TTC28: variants seen among roughly 807,000 people sequenced by gnomAD.
The protein encoded by TTC28 is tetratricopeptide repeat protein 28.
A neutral mutation model predicts 198.0 loss-of-function variants in TTC28; 61 were observed. The ratio of observed to expected loss-of-function variants is 0.31; its 90% CI spans 0.25 to 0.38. TTC28 has a LOEUF of 0.38. TTC28 is among the 10% of genes least tolerant of loss of function. The pLI, the probability that TTC28 is intolerant of heterozygous loss-of-function variation, is 1.00. For synonymous variants in TTC28, 1,171 were observed against 1,297.8 expected (o/e 0.90, Z 2.10); for missense variants, 2,678 against 3,164.0 (o/e 0.85, Z 3.69).
chr22:28,636,728 T>C (rs2051278871), intron 1 of TTC28, among the ~76,000 whole-genome samples: 1 of 152,158 alleles, frequency 6.6e-6, no homozygotes, highest in Admixed American at 6.5e-5. Flanking sequence ...ATTATTTATT[T>C]ATTTGCTATA....
At chr22:27,994,901 CCAGA>C (rs3840091) in intron 17 of TTC28, among the ~76,000 whole-genome samples, 6,847 of 152,116 alleles carry the variant, frequency 0.045, 208 homozygotes, top group East Asian at 0.12. Context: ...CTGAAAGGCT[CCAGA>C]CAGTTTCCAG....
chr22:28,641,178 G>A (rs1030659222), intron 1 of TTC28, among the ~76,000 whole-genome samples: 6 of 152,086 alleles, frequency 3.9e-5, no homozygotes, highest in Admixed American at 3.3e-4. Context: ...CAAACAATTA[G>A]CCGGGCGTGG....
Position 28,211,164 on chromosome 22 carries a change from A to G in TTC28, c.934-47565T>C, listed in dbSNP as rs542989255. ...ACATGGAAAGGAACAACCGGTACCAACCACTGCAAAAACATGCCAAATTGT... is the reference window on the plus strand; with the variant it reads ...ACATGGAAAGGAACAACCGGTACCAGCCACTGCAAAAACATGCCAAATTGT... On this transcript the variant is annotated intron_variant, in intron 5 of 22. Transcript: ENST00000397906. 4.6e-3 allele frequency among the ~76,000 whole-genome samples: 703 copies of G among 152,234 alleles called. 5 individuals carry two copies. The highest frequency in any genetic ancestry group is 0.016 in the African/African-American group (671 of 41,536).
At chr22:28,141,313 T>C (rs1176245766) in intron 6 of TTC28, among the ~76,000 whole-genome samples, 3 of 152,220 alleles carry the variant, frequency 2.0e-5, no homozygotes, top group African/African-American at 7.2e-5. Context: ...GCTGTATGTT[T>C]GTTTAAAAAC....
intron 2 of TTC28, among the ~76,000 whole-genome samples, chr22:28,597,208 T>C (rs1175780290): frequency 6.6e-6 from 1 of 152,224 alleles, no homozygotes; most frequent in Non-Finnish European, 1.5e-5. Context: ...CACCAAAATT[T>C]ACTATCTTAG....
At chr22:28,043,712 G>A (rs1939755799) in intron 12 of TTC28, among the ~76,000 whole-genome samples, 1 of 152,160 alleles carries the variant, frequency 6.6e-6, no homozygotes, top group Non-Finnish European at 1.5e-5. Flanking sequence ...TTTGGATTAA[G>A]CAAGGTTTGG....
At chr22:28,498,241 C>G (rs554344780) in intron 2 of TTC28, among the ~76,000 whole-genome samples, 1 of 151,880 alleles carries the variant, frequency 6.6e-6, no homozygotes, top group East Asian at 1.9e-4. Context: ...AATAAAACAA[C>G]GAACAGATCA....
chr22:28,501,424 G>A (rs1329795852), intron 2 of TTC28, among the ~76,000 whole-genome samples: 2 of 152,130 alleles, frequency 1.3e-5, no homozygotes, highest in East Asian at 3.9e-4. Flanking sequence ...TTGATGTAGT[G>A]AAAAAAGAAT....
At chr22:28,306,376 T>C in intron 3 of TTC28, 120 bp downstream of exon 3, 1 of 1,213,764 alleles carries the variant, frequency 8.2e-7, no homozygotes, top group Non-Finnish European at 1.1e-6. Flanking sequence ...TGGTCTAAAA[T>C]ATCAAATCTT....
At chr22:28,287,496 G>C (rs1212229042) in intron 5 of TTC28, among the ~76,000 whole-genome samples, 1 of 152,166 alleles carries the variant, frequency 6.6e-6, no homozygotes, top group African/African-American at 2.4e-5. Context: ...TTGAGAAAGA[G>C]AGCATCAATG....
rs187996684 is a variant in TTC28, at chr22:28,047,553, G to A, written c.3933-17187C>T. ...GGCCCCTCTAAAGCGCCCACAAAAA[G>A]CAAGGTTCCACTCTACCCATCTAAC... On this transcript the variant is annotated intron_variant, in intron 12 of 22. Coordinates refer to ENST00000397906, the MANE Select transcript of TTC28 (RefSeq NM_001145418.2). Among the ~76,000 whole-genome samples, 22 of 152,304 alleles carry A rather than the reference G, an allele frequency of 1.4e-4. 1 individual carries two copies. Among genetic ancestry groups the A allele is most frequent in the African/African-American group, 4.8e-4 (20 of 41,566 alleles).
At chr22:28,448,828 C>T (rs1196420196) in intron 2 of TTC28, among the ~76,000 whole-genome samples, 1 of 152,190 alleles carries the variant, frequency 6.6e-6, no homozygotes, top group Non-Finnish European at 1.5e-5. Context: ...CTGACCTTAC[C>T]CATCTCACTT....
intron 2 of TTC28, among the ~76,000 whole-genome samples, chr22:28,449,545 C>A (rs2047749173): frequency 6.6e-6 from 1 of 152,150 alleles, no homozygotes. Context: ...AAGAATTAAG[C>A]AAATTCCCAA....
At chr22:28,662,986 C>T (rs1267936737) in intron 1 of TTC28, among the ~76,000 whole-genome samples, 1 of 151,904 alleles carries the variant, frequency 6.6e-6, no homozygotes, top group Admixed American at 6.6e-5. Context: ...CGGTGGCTCA[C>T]ACCTGTAATC....
chr22:28,642,683 G>T (rs2051388724), intron 1 of TTC28, among the ~76,000 whole-genome samples: 1 of 152,144 alleles, frequency 6.6e-6, no homozygotes, highest in Non-Finnish European at 1.5e-5. Context: ...AGGCAATAAG[G>T]ACCAGGCATG....
chr22:28,043,540 A>C (rs570723235), intron 12 of TTC28, among the ~76,000 whole-genome samples: 1 of 152,128 alleles, frequency 6.6e-6, no homozygotes, highest in African/African-American at 2.4e-5. Context: ...TGCAAACTGG[A>C]GGTCTGCAGC....
rs1223608083 is a variant in TTC28 at position 28,162,996 on chromosome 22, A to AT, written c.1441+95dup. Reference sequence around the variant, plus strand: ...ACACAATAAGGATATTCTTTTAAATATAAACACACAGATTCCTATAAAAGA... The same window carrying AT: ...ACACAATAAGGATATTCTTTTAAATATTAAACACACAGATTCCTATAAAAGA... On this transcript the variant is annotated intron_variant, in intron 6 of 22. Transcript: ENST00000397906. 119 of 1,377,756 alleles carry AT rather than the reference A, an allele frequency of 8.6e-5. 2 individuals carry two copies. The South Asian group carries it at 1.6e-3, about 18-fold the overall frequency. The allele number at this position is 1,377,756 out of a possible 1,614,324, so 85.3% of individuals were successfully genotyped here. A position where few individuals can be genotyped will look rare whatever the true frequency, so the allele number is the denominator to read the frequency against.
chr22:28,112,972 T>C (rs975039109), intron 6 of TTC28, among the ~76,000 whole-genome samples: 1 of 152,172 alleles, frequency 6.6e-6, no homozygotes, highest in Non-Finnish European at 1.5e-5. Flanking sequence ...GTCACTGCCA[T>C]GGGAATAATA....
chr22:28,395,511 A>G (rs959131787), intron 2 of TTC28, among the ~76,000 whole-genome samples: 12 of 151,944 alleles, frequency 7.9e-5, no homozygotes, highest in African/African-American at 2.9e-4. Context: ...GGGCACCCGT[A>G]GTCCCAGCTA....
Sources: allele counts gnomAD v4.1 joint callset (sites outside exome capture counted in the v4.1 genomes callset), GRCh38; gene constraint gnomAD v4.1.1; transcripts MANE v1.5; gene names NCBI Gene and HGNC (gene_info 2026-07-23, HGNC 2026-07-21).